Variants in SLC25A26 observed in about 807,000 individuals in gnomAD.
The protein encoded by SLC25A26 is solute carrier family 25 member 26, also known as mitochondrial S-adenosylmethionine carrier protein.
A neutral mutation model predicts 37.8 loss-of-function variants in SLC25A26; 36 were observed. The ratio of observed to expected loss-of-function variants is 0.95; its 90% CI spans 0.73 to 1.26. The LOEUF (loss-of-function observed/expected upper bound fraction) is 1.26. Among genes scored for constraint, SLC25A26 ranks in the 50% most tolerant of loss-of-function variants. SLC25A26 has a pLI of 0.00. For missense variants in SLC25A26, 390 were observed against 331.1 expected, an observed-to-expected ratio of 1.18 and a Z score of -1.38; for synonymous variants, 129 against 122.5, an observed-to-expected ratio of 1.05 and a Z score of -0.35.
chr3:66,294,349 A>G lies in SLC25A26; in HGVS notation c.453+30970A>G, dbSNP rs185258468. Reference sequence around the variant, plus strand: ...TTGCCGGTGTATAGGAATGCTAGTGATTTTTGTACGTTGATTTTGTATCCT... The same window carrying G: ...TTGCCGGTGTATAGGAATGCTAGTGGTTTTTGTACGTTGATTTTGTATCCT... On this transcript the variant is annotated intron_variant, in intron 5 of 9. Coordinates refer to ENST00000354883, the MANE Select transcript of SLC25A26 (RefSeq NM_001379210.1). Among the ~76,000 whole-genome samples, 10 of 152,116 alleles carry G rather than the reference A, an allele frequency of 6.6e-5. No homozygotes were observed. In the East Asian group the frequency reaches 1.7e-3, roughly 26 times the overall value.
chr3:66,145,112 G>C (rs902669075), intron 1 of SLC25A26, among the ~76,000 whole-genome samples: 2 of 152,012 alleles, frequency 1.3e-5, no homozygotes, highest in Admixed American at 1.3e-4. Flanking sequence ...GCTGGGGACT[G>C]TTTATTAACA....
rs140885557 is a variant in SLC25A26 at position 66,175,670 on chromosome 3, A to C, written c.-354+41686A>C. ...AGGCTGGCAGGCTTGAGACCTAGGA[A>C]ACACTGACATTTTCACTGAAGTCCA... On this transcript the variant is annotated intron_variant, in intron 1 of 10. Transcript: ENST00000676754. Among the ~76,000 whole-genome samples the C allele has an allele frequency of 2.7e-3, 413 of 152,324 alleles. 4 individuals carry two copies. Among genetic ancestry groups the C allele is most frequent in the African/African-American group, 9.4e-3 (391 of 41,566 alleles).
At chr3:66,210,268 C>A (rs2071266722) in intron 1 of SLC25A26, among the ~76,000 whole-genome samples, 1 of 151,766 alleles carries the variant, frequency 6.6e-6, no homozygotes, top group Admixed American at 6.6e-5. Context: ...CATCAGCCCA[C>A]AAATCTAGAA....
rs138116173 is a variant in SLC25A26, at chr3:66,344,649, G to A, written c.454-1715G>A. 4.2e-3 allele frequency among the ~76,000 whole-genome samples: 639 copies of A among 152,370 alleles called. 1 individual carries two copies. The highest frequency in any genetic ancestry group is 6.6e-3 in the Admixed American group (101 of 15,304). On this transcript the variant is annotated intron_variant, in intron 5 of 9. Transcript: ENST00000354883. ...CCAGTACTGGGCCCGTGGCGTGTGC[G>A]TGTTCGTGGGCATCGCCACCACCAG...
chr3:66,147,065 TCCCC>T (rs2070126030), intron 1 of SLC25A26, among the ~76,000 whole-genome samples: 7 of 25,922 alleles, frequency 2.7e-4, no homozygotes, highest in South Asian at 2.2e-3. Context: ...TTCCCTTCCC[TCCCC>T]TTCCCTTCCC....
intron 3 of SLC25A26, among the ~76,000 whole-genome samples, chr3:66,250,075 TA>T (rs1383950106): frequency 6.6e-6 from 1 of 152,256 alleles, no homozygotes; most frequent in African/African-American, 2.4e-5. Flanking sequence ...TTAGCAACCC[TA>T]AACCATAAGA....
chr3:66,163,998 C>T (rs575700024), intron 1 of SLC25A26, among the ~76,000 whole-genome samples: 70 of 152,158 alleles, frequency 4.6e-4, no homozygotes, highest in African/African-American at 1.6e-3. Flanking sequence ...AGGGAAGCCC[C>T]TATAGTAAAA....
chr3:66,250,639 G>GCGTTTTCAACTTGAAA (rs71105976), intron 3 of SLC25A26, among the ~76,000 whole-genome samples: 61,838 of 151,460 alleles, frequency 0.41, 13,594 homozygotes, highest in African/African-American at 0.56. Context: ...GGTATCACAT[G>GCGTTTTCAACTTGAAA]CGTTTTCAAC....
chr3:66,358,888 T>A (rs2076635440), intron 6 of SLC25A26, among the ~76,000 whole-genome samples: 1 of 152,230 alleles, frequency 6.6e-6, no homozygotes, highest in Non-Finnish European at 1.5e-5. Flanking sequence ...ACACCTGGAA[T>A]GTGGGAAGTT....
In SLC25A26 at chr3:66,140,313, G is replaced by A. The variant is rs371842017; in HGVS notation, c.-354+6329G>A. Among the ~76,000 whole-genome samples the A allele has an allele frequency of 1.4e-4, 21 of 152,312 alleles. 1 individual carries two copies. The East Asian group carries it at 3.7e-3, about 27-fold the overall frequency. ...AAGAATGGAATGTGTATTCCGTTGAGTCATGTGCTCATCCTGTGAGCCCTG... is the reference window on the plus strand; with the variant it reads ...AAGAATGGAATGTGTATTCCGTTGAATCATGTGCTCATCCTGTGAGCCCTG... On this transcript the variant is annotated intron_variant, in intron 1 of 10. Transcript: ENST00000676754.
At chr3:66,341,955 A>G (rs2076219355) in intron 5 of SLC25A26, among the ~76,000 whole-genome samples, 1 of 152,136 alleles carries the variant, frequency 6.6e-6, no homozygotes, top group Non-Finnish European at 1.5e-5. Flanking sequence ...ACTATGGGAC[A>G]AGGAATTTTT....
At chr3:66,219,391 T>C (rs1320191902), upstream of SLC25A26, among the ~76,000 whole-genome samples, 2 of 152,198 alleles carry the variant, frequency 1.3e-5, no homozygotes, top group African/African-American at 4.8e-5. Context: ...ATTTTTCAGA[T>C]ATAATTAAGG....
intron 5 of SLC25A26, among the ~76,000 whole-genome samples, chr3:66,318,712 G>C (rs1394113525): frequency 6.6e-6 from 1 of 151,720 alleles, no homozygotes; most frequent in African/African-American, 2.4e-5. Flanking sequence ...ACCCAAGCTG[G>C]AGTGCACTGT....
intron 1 of SLC25A26, among the ~76,000 whole-genome samples, chr3:66,206,271 A>T (rs1029211642): frequency 6.6e-6 from 1 of 152,184 alleles, no homozygotes; most frequent in Admixed American, 6.5e-5. Context: ...TATCTGCAAC[A>T]TCTACTAAAA....
At chr3:66,358,482 T>C (rs2076626091) in intron 6 of SLC25A26, among the ~76,000 whole-genome samples, 1 of 152,242 alleles carries the variant, frequency 6.6e-6, no homozygotes, top group African/African-American at 2.4e-5. Flanking sequence ...AATTGTGATT[T>C]GCGTGTGGAA....
At chr3:66,220,363 T>C (rs1434201620), upstream of SLC25A26, among the ~76,000 whole-genome samples, 1 of 152,206 alleles carries the variant, frequency 6.6e-6, no homozygotes, top group Non-Finnish European at 1.5e-5. Context: ...TAAAGACAGG[T>C]CCACTCCAAG....
At chr3:66,257,864 A>G (rs894519059) in intron 3 of SLC25A26, among the ~76,000 whole-genome samples, 5 of 152,070 alleles carry the variant, frequency 3.3e-5, no homozygotes, top group South Asian at 2.1e-4. Context: ...CAGCCACTCT[A>G]TGGAAGCAAT....
chr3:66,228,134 C>T (rs994107287), intron 1 of SLC25A26, among the ~76,000 whole-genome samples: 6 of 152,182 alleles, frequency 3.9e-5, no homozygotes, highest in African/African-American at 1.4e-4. Context: ...TATCTAAACA[C>T]AAGTATATTC....
intron 1 of SLC25A26, among the ~76,000 whole-genome samples, chr3:66,235,971 G>T (rs2072259211): frequency 6.6e-6 from 1 of 152,150 alleles, no homozygotes; most frequent in Admixed American, 6.5e-5. Context: ...GAGTGCAGTG[G>T]TGGGATCACA....
Sources: gnomAD v4.1 joint callset for allele counts (sites outside exome capture counted in the v4.1 genomes callset) on GRCh38, gnomAD v4.1.1 for gene constraint, MANE v1.5 for transcripts, NCBI Gene and HGNC (gene_info 2026-07-23, HGNC 2026-07-21) for gene names.